The following EXT1 variants were observed in gnomAD, a reference collection of about 807,000 sequenced individuals.
The protein encoded by EXT1 is exostosin glycosyltransferase 1, also known as exostosin-1.
A neutral mutation model predicts 82.5 loss-of-function variants in EXT1; 20 were observed. That is an observed-to-expected ratio of 0.24 (90% confidence interval 0.17 to 0.35). The LOEUF (loss-of-function observed/expected upper bound fraction) is 0.35. Among genes scored for constraint, EXT1 ranks in the 10% least tolerant of loss-of-function variants. The pLI is 1.00. For missense variants in EXT1, 757 were observed against 936.5 expected, an observed-to-expected ratio of 0.81 and a Z score of 2.50; for synonymous variants, 348 against 350.8, an observed-to-expected ratio of 0.99 and a Z score of 0.09.
At chr8:117,891,798 T>C (rs1202976068) in intron 1 of EXT1, among the ~76,000 whole-genome samples, 4 of 143,216 alleles carry the variant, frequency 2.8e-5, no homozygotes, top group Non-Finnish European at 4.5e-5. Context: ...GGTTTTCTTT[T>C]TTCTTGCTTT....
At chr8:117,966,703 T>C (rs1348869723) in intron 1 of EXT1, among the ~76,000 whole-genome samples, 5 of 152,210 alleles carry the variant, frequency 3.3e-5, no homozygotes, top group Admixed American at 6.5e-5. Flanking sequence ...AACAAATAAT[T>C]CTCCATTTTG....
At chr8:117,885,747 G>A (rs1019853918) in intron 1 of EXT1, among the ~76,000 whole-genome samples, 1 of 152,080 alleles carries the variant, frequency 6.6e-6, no homozygotes, top group African/African-American at 2.4e-5. Flanking sequence ...AGGAAATTTA[G>A]AGCTTCTCCC....
In EXT1 at chr8:117,798,880, A is replaced by G. The variant is rs1350663482; in HGVS notation, c.*832T>C. ...GGTTGAATCTATAACCGTGCCCCCA[A>G]CCCCTGCAAGTATTGGGTTACTGTT... is the stretch of plus-strand genomic sequence containing the variant. On this transcript the variant is annotated 3_prime_UTR_variant, in exon 11 of 11. Transcript: ENST00000378204. The G allele has an allele frequency of 6.6e-6, 1 of 152,104 alleles. No individual in the cohort carries two copies. The highest frequency in any genetic ancestry group is 1.5e-5 in the Non-Finnish European group (1 of 68,042). 9.4% of individuals were successfully genotyped at this position (152,104 alleles called of 1,614,324 possible).
chr8:117,839,581 C>T (rs543427981), intron 1 of EXT1, among the ~76,000 whole-genome samples: 10 of 152,284 alleles, frequency 6.6e-5, no homozygotes, highest in African/African-American at 2.2e-4. Context: ...ATTCAGATTT[C>T]TATGCATGCT....
chr8:117,847,288 G>C (rs1259876165), intron 1 of EXT1, among the ~76,000 whole-genome samples: 1 of 152,186 alleles, frequency 6.6e-6, no homozygotes, highest in African/African-American at 2.4e-5. Context: ...GTTCTTCCAA[G>C]AATGAGTTCA....
intron 1 of EXT1, among the ~76,000 whole-genome samples, chr8:117,953,975 C>A (rs931692096): frequency 6.6e-6 from 1 of 152,052 alleles, no homozygotes; most frequent in Admixed American, 6.6e-5. Context: ...TTATTATGTG[C>A]CTGGCACTGT....
At chr8:117,950,155 C>T (rs912576259) in intron 1 of EXT1, among the ~76,000 whole-genome samples, 7 of 152,280 alleles carry the variant, frequency 4.6e-5, no homozygotes, top group Non-Finnish European at 7.4e-5. Context: ...GCATGAGAAT[C>T]GCTTGAACTT....
In EXT1 at chr8:118,110,870, C is replaced by T. The variant is rs964448546; in HGVS notation, c.177G>A (p.Pro59=). The T allele has an allele frequency of 1.2e-6, 2 of 1,613,012 alleles. No individual in the cohort carries two copies. Among genetic ancestry groups the T allele is most frequent in the East Asian group, 2.2e-5 (1 of 44,852 alleles). The stretch of plus-strand genomic sequence containing the variant: ...AAGGAACGAAGGGGCGCAGAGCGTC[C>T]GGGAAGCGGGGCCAGAAATGATCCG... ...PSPDHFWPRF[P]DALRPFVPWD... is the part of the protein sequence containing the mutation. The change falls in exon 1 of 11, where the codon CCG becomes CCA. Residue 59 remains proline (P), a synonymous_variant. Coordinates refer to ENST00000378204, the MANE Select transcript of EXT1 (RefSeq NM_000127.3).
At chr8:117,998,863 CCTAA>C (rs879649907) in intron 1 of EXT1, among the ~76,000 whole-genome samples, 39 of 152,126 alleles carry the variant, frequency 2.6e-4, no homozygotes, top group African/African-American at 6.8e-4. Flanking sequence ...TCAATTACTC[CCTAA>C]CTGAGTAACC....
At chr8:117,881,451 C>T (rs1586261303) in intron 1 of EXT1, among the ~76,000 whole-genome samples, 1 of 152,146 alleles carries the variant, frequency 6.6e-6, no homozygotes, top group African/African-American at 2.4e-5. Flanking sequence ...CAAATGGCTA[C>T]CCCGCATTCA....
intron 1 of EXT1, among the ~76,000 whole-genome samples, chr8:117,945,642 T>C (rs1035240261): frequency 2.4e-4 from 37 of 152,030 alleles, no homozygotes; most frequent in Admixed American, 1.9e-3. Flanking sequence ...GCTGAGATTA[T>C]AGGCGCCCAC....
intron 1 of EXT1, among the ~76,000 whole-genome samples, chr8:117,935,319 C>T (rs1339314189): frequency 2.5e-5 from 3 of 119,304 alleles, no homozygotes; most frequent in Admixed American, 1.1e-4. Flanking sequence ...AGTTATCTAT[C>T]ACTTTTTTTT....
intron 1 of EXT1, among the ~76,000 whole-genome samples, chr8:117,872,023 T>C (rs1812881798): frequency 6.6e-6 from 1 of 151,896 alleles, no homozygotes; most frequent in South Asian, 2.1e-4. Flanking sequence ...TCCCAGCTAC[T>C]TGGGAGGCTG....
intron 1 of EXT1, among the ~76,000 whole-genome samples, chr8:117,915,282 T>A (rs748208665): frequency 6.6e-6 from 1 of 152,152 alleles, no homozygotes. Context: ...CTTCTTCTGC[T>A]GATATTGTTT....
intron 1 of EXT1, among the ~76,000 whole-genome samples, chr8:117,848,351 A>G (rs936183075): frequency 2.0e-5 from 3 of 152,200 alleles, no homozygotes; most frequent in Non-Finnish European, 4.4e-5. Flanking sequence ...AGGCAGAAGT[A>G]CAACAGTACC....
chr8:118,077,402 G>C (rs751291861), intron 1 of EXT1, among the ~76,000 whole-genome samples: 13 of 152,166 alleles, frequency 8.5e-5, no homozygotes, highest in Non-Finnish European at 1.5e-4. Flanking sequence ...TATTTCCACA[G>C]TTATTGCACC....
At chr8:117,802,078 C>A (rs1823175126) in intron 10 of EXT1, among the ~76,000 whole-genome samples, 1 of 152,150 alleles carries the variant, frequency 6.6e-6, no homozygotes, top group South Asian at 2.1e-4. Context: ...ACCGGTCATA[C>A]AAACATTCAA....
At chr8:117,844,889 TG>T (rs142785477) in intron 1 of EXT1, among the ~76,000 whole-genome samples, 13,397 of 152,210 alleles carry the variant, frequency 0.088, 774 homozygotes, top group African/African-American at 0.16. Context: ...GACAGTTTTT[TG>T]CCTTGAGCAT....
chr8:118,097,029 G>C (rs17477378), intron 1 of EXT1, among the ~76,000 whole-genome samples: 266 of 152,264 alleles, frequency 1.7e-3, no homozygotes, highest in African/African-American at 6.1e-3. Flanking sequence ...ATAATGGTAC[G>C]AGAGCTCAAT....
Sources: allele counts gnomAD v4.1 joint callset (sites outside exome capture counted in the v4.1 genomes callset), GRCh38; gene constraint gnomAD v4.1.1; transcripts MANE v1.5; gene names NCBI Gene and HGNC (gene_info 2026-07-23, HGNC 2026-07-21).